Variants in TUSC3 observed in about 807,000 individuals in gnomAD.
TUSC3 encodes tumor suppressor candidate 3, also known as dolichyl-diphosphooligosaccharide--protein glycosyltransferase subunit TUSC3.
A neutral mutation model predicts 44.8 loss-of-function variants in TUSC3; 45 were observed. The ratio of observed to expected loss-of-function variants is 1.00; its 90% confidence interval spans 0.79 to 1.29. The LOEUF is 1.29. TUSC3 is among the 50% of genes most tolerant of loss of function. TUSC3 has a pLI of 0.00. For synonymous variants in TUSC3, 212 were observed against 152.9 expected (o/e 1.39, Z -2.85); for missense variants, 519 against 437.9 (o/e 1.19, Z -1.65).
At chr8:15,539,310 A>G (rs1397832666), upstream of TUSC3, among the ~76,000 whole-genome samples, 3 of 148,914 alleles carry the variant, frequency 2.0e-5, no homozygotes, top group Non-Finnish European at 3.0e-5. Flanking sequence ...TCAGGCCCAT[A>G]TCAAACGTTC....
chr8:15,806,767 A>G, the TUSC3 span: 19 of 786,586 alleles, frequency 2.4e-5, no homozygotes, highest in African/African-American at 3.1e-4. Context: ...AGCCACCTGC[A>G]TTCTGAATTC....
intron 2 of TUSC3, among the ~76,000 whole-genome samples, chr8:15,641,476 CAG>C (rs1282009610): frequency 6.6e-6 from 1 of 151,744 alleles, no homozygotes; most frequent in African/African-American, 2.4e-5. Context: ...GGGTCTGGTG[CAG>C]AGAGTGAGAG....
the TUSC3 span, among the ~76,000 whole-genome samples, chr8:15,848,428 C>G: frequency 2.0e-5 from 3 of 152,290 alleles, no homozygotes; most frequent in Admixed American, 6.5e-5. Flanking sequence ...ACCAGGGTGT[C>G]CTGCTTTGTG....
chr8:15,439,480 C>T (rs1799993478), intron 1 of TUSC3, among the ~76,000 whole-genome samples: 1 of 152,116 alleles, frequency 6.6e-6, no homozygotes, highest in Non-Finnish European at 1.5e-5. Context: ...TCACTTGAGC[C>T]TAGGAGGTTG....
intron 1 of TUSC3, among the ~76,000 whole-genome samples, chr8:15,590,493 C>T (rs1803780993): frequency 1.3e-5 from 2 of 152,148 alleles, no homozygotes; most frequent in South Asian, 4.2e-4. Flanking sequence ...TCTTTCTTGC[C>T]AATTCCCCCA....
chr8:15,807,522 A>G, the TUSC3 span, among the ~76,000 whole-genome samples: 3 of 152,180 alleles, frequency 2.0e-5, no homozygotes, highest in African/African-American at 7.2e-5. Flanking sequence ...ACTACTGAGT[A>G]TATATCCAAA....
the TUSC3 span, among the ~76,000 whole-genome samples, chr8:15,842,577 A>G: frequency 6.6e-6 from 1 of 152,176 alleles, no homozygotes; most frequent in Non-Finnish European, 1.5e-5. Flanking sequence ...ATGAGGGCAG[A>G]TATTTCCTGT....
the TUSC3 span, among the ~76,000 whole-genome samples, chr8:15,782,550 T>C: frequency 0.14 from 21,557 of 152,184 alleles, 1,858 homozygotes; most frequent in South Asian, 0.24. Context: ...AAGTGGGATT[T>C]ACTTCTGGGA....
intron 3 of TUSC3, among the ~76,000 whole-genome samples, chr8:15,656,207 T>C (rs1345401607): frequency 6.6e-6 from 1 of 152,098 alleles, no homozygotes; most frequent in African/African-American, 2.4e-5. Context: ...TACATTCATT[T>C]TGTCCCAATA....
intron 1 of TUSC3, among the ~76,000 whole-genome samples, chr8:15,559,200 G>T (rs1041491563): frequency 1.4e-5 from 2 of 141,904 alleles, no homozygotes; most frequent in African/African-American, 5.2e-5. Flanking sequence ...CTGGTATGTT[G>T]TGTCTTTGTT....
At position 15,458,989 on chromosome 8, in the gene TUSC3, G is replaced by T. The variant is rs10086489; in HGVS notation, n.92-24397G>T. On this transcript the variant is annotated intron_variant and non_coding_transcript_variant, in intron 1 of 5. Coordinates refer to the TUSC3 transcript ENST00000503191. ...TTAATCTTTTCACCAAATAGACCAGGTTCATTTTTATTAAAGACCTGTTGA... is the reference window on the plus strand; with the variant it reads ...TTAATCTTTTCACCAAATAGACCAGTTTCATTTTTATTAAAGACCTGTTGA... Among the ~76,000 whole-genome samples, 1,232 of 152,208 alleles carry T rather than the reference G, an allele frequency of 8.1e-3. 17 individuals are homozygous for T. The highest frequency in any genetic ancestry group is 0.028 in the African/African-American group (1,178 of 41,546).
At position 15,454,375 on chromosome 8, in the gene TUSC3, T is replaced by G. The variant is rs527982650; in HGVS notation, n.92-29011T>G. On this transcript the variant is annotated intron_variant and non_coding_transcript_variant, in intron 1 of 5. Transcript: ENST00000503191. Reference sequence around the variant, plus strand: ...ATTCTTTCCTTTGAGGAGGCAAGCATCGAGGTTGCTGCAGAAGTGTATAAA... The same window carrying G: ...ATTCTTTCCTTTGAGGAGGCAAGCAGCGAGGTTGCTGCAGAAGTGTATAAA... Among the ~76,000 whole-genome samples, 58 of 152,296 alleles carry G rather than the reference T, an allele frequency of 3.8e-4. 2 individuals carry two copies. The South Asian group carries it at 0.011, about 29-fold the overall frequency.
intron 1 of TUSC3, among the ~76,000 whole-genome samples, chr8:15,555,366 A>C (rs1802222580): frequency 7.4e-6 from 1 of 135,728 alleles, no homozygotes. Flanking sequence ...GGGGGATCAC[A>C]GTTCACTGTG....
At chr8:15,556,544 G>A (rs1361084324) in intron 1 of TUSC3, among the ~76,000 whole-genome samples, 1 of 149,632 alleles carries the variant, frequency 6.7e-6, no homozygotes, top group Non-Finnish European at 1.5e-5. Context: ...GGGTCAAATG[G>A]TATTTCCAGT....
chr8:15,497,499 T>C (rs1299375145), intron 2 of TUSC3, among the ~76,000 whole-genome samples: 1 of 152,116 alleles, frequency 6.6e-6, no homozygotes, highest in Non-Finnish European at 1.5e-5. Context: ...ACACAAACGC[T>C]ATAGACCCAT....
upstream of TUSC3, among the ~76,000 whole-genome samples, chr8:15,536,335 C>A (rs893438429): frequency 6.6e-6 from 1 of 152,088 alleles, no homozygotes; most frequent in African/African-American, 2.4e-5. Flanking sequence ...AGAGATAATA[C>A]TTTACACTGA....
chr8:15,703,617 G>T (rs1809494644), intron 6 of TUSC3, among the ~76,000 whole-genome samples: 1 of 152,124 alleles, frequency 6.6e-6, no homozygotes, highest in Admixed American at 6.6e-5. Context: ...TGCTTCTGGT[G>T]AGTGCCTCAA....
intron 5 of TUSC3, 26 bp downstream of exon 5, chr8:15,662,322 T>A (rs1807459403): frequency 2.5e-6 from 4 of 1,612,080 alleles, no homozygotes; most frequent in East Asian, 2.2e-5. Flanking sequence ...GTGCTTTTTT[T>A]ATTTCCTGTT....
At chr8:15,464,503 C>G (rs923555559) in intron 1 of TUSC3, among the ~76,000 whole-genome samples, 3 of 152,106 alleles carry the variant, frequency 2.0e-5, no homozygotes, top group South Asian at 2.1e-4. Flanking sequence ...TGCTTTCTAT[C>G]TAGTGATCTG....
Sources: gnomAD v4.1 joint callset for allele counts (sites outside exome capture counted in the v4.1 genomes callset) on GRCh38, gnomAD v4.1.1 for gene constraint, MANE v1.5 for transcripts, NCBI Gene and HGNC (gene_info 2026-07-23, HGNC 2026-07-21) for gene names.